The following ASIC2 variants were observed in gnomAD, a reference collection of about 807,000 sequenced individuals.
ASIC2 encodes the protein acid sensing ion channel subunit 2, also known as acid-sensing ion channel 2.
In ASIC2, 25 loss-of-function variants were observed where a neutral mutation model predicts 57.3. That is an observed-to-expected ratio of 0.44 (90% CI 0.32 to 0.61). The LOEUF (loss-of-function observed/expected upper bound fraction) is 0.61, where lower values mean the gene tolerates loss of function less well. Ranked by LOEUF, ASIC2 falls within the 20% of genes least tolerant of loss-of-function variation. ASIC2 has a pLI of 0.06. For synonymous variants in ASIC2, 319 were observed against 307.5 expected (o/e 1.04, Z -0.39); for missense variants, 641 against 738.1 (o/e 0.87, Z 1.52).
At chr17:34,134,344 G>A (rs878984395) in intron 1 of ASIC2, among the ~76,000 whole-genome samples, 1 of 152,178 alleles carries the variant, frequency 6.6e-6, no homozygotes, top group Non-Finnish European at 1.5e-5. Flanking sequence ...ATGCCCCAAA[G>A]TCCCCAGAAA....
At chr17:33,535,023 T>C (rs545070269) in intron 1 of ASIC2, among the ~76,000 whole-genome samples, 12 of 152,214 alleles carry the variant, frequency 7.9e-5, no homozygotes, top group Non-Finnish European at 1.6e-4. Flanking sequence ...GTATTAGGAT[T>C]GTTCCCATTT....
intron 1 of ASIC2, among the ~76,000 whole-genome samples, chr17:33,962,798 G>GA (rs899916865): frequency 6.6e-5 from 10 of 152,030 alleles, no homozygotes; most frequent in African/African-American, 2.4e-4. Context: ...GGCCAAAGAG[G>GA]AAAAAACCAT....
chr17:33,711,135 G>T (rs886619890), intron 1 of ASIC2, among the ~76,000 whole-genome samples: 2 of 152,120 alleles, frequency 1.3e-5, no homozygotes, highest in Non-Finnish European at 2.9e-5. Flanking sequence ...AACCCTTAGA[G>T]TGGCGTTGTG....
chr17:33,551,167 C>T (rs375900393), intron 1 of ASIC2, among the ~76,000 whole-genome samples: 24 of 152,094 alleles, frequency 1.6e-4, no homozygotes, highest in African/African-American at 5.6e-4. Flanking sequence ...AACATTTGGT[C>T]GGATGTCTTT....
At chr17:33,867,486 A>ATT (rs1914273117) in intron 1 of ASIC2, among the ~76,000 whole-genome samples, 1 of 152,228 alleles carries the variant, frequency 6.6e-6, no homozygotes, top group African/African-American at 2.4e-5. Flanking sequence ...AAGATTAACA[A>ATT]TCATCTCCAT....
intron 1 of ASIC2, among the ~76,000 whole-genome samples, chr17:33,522,109 C>T (rs1914760085): frequency 6.6e-6 from 1 of 152,156 alleles, no homozygotes; most frequent in Non-Finnish European, 1.5e-5. Flanking sequence ...AATTCTGACC[C>T]ATGGCACTTC....
At chr17:34,077,413 T>C (rs1482851637) in intron 1 of ASIC2, among the ~76,000 whole-genome samples, 2 of 151,942 alleles carry the variant, frequency 1.3e-5, no homozygotes, top group Non-Finnish European at 1.5e-5. Flanking sequence ...CGTCATACCC[T>C]CTCCCTTTGG....
chr17:33,715,220 T>TC (rs1180669364), intron 1 of ASIC2, among the ~76,000 whole-genome samples: 1 of 152,152 alleles, frequency 6.6e-6, no homozygotes, highest in Non-Finnish European at 1.5e-5. Context: ...CAGGCTGGTC[T>TC]CCAACTTCTG....
intron 1 of ASIC2, among the ~76,000 whole-genome samples, chr17:33,142,183 T>G (rs902420762): frequency 6.6e-6 from 1 of 152,128 alleles, no homozygotes; most frequent in Non-Finnish European, 1.5e-5. Flanking sequence ...AATAAACGAA[T>G]GGCAAGGTTT....
chr17:33,033,029 G>A (rs916810), intron 3 of ASIC2, among the ~76,000 whole-genome samples: 21,297 of 152,066 alleles, frequency 0.14, 1,599 homozygotes, highest in South Asian at 0.18. Context: ...CAACACTTTG[G>A]GAGGCAAGGC....
chr17:33,301,075 C>T (rs181308034), intron 1 of ASIC2, among the ~76,000 whole-genome samples: 38 of 152,038 alleles, frequency 2.5e-4, no homozygotes, highest in Admixed American at 3.3e-4. Context: ...GTTGCCCAGG[C>T]GGGAGTGCAG....
intron 1 of ASIC2, among the ~76,000 whole-genome samples, chr17:33,966,492 G>A (rs974409358): frequency 1.3e-5 from 2 of 152,056 alleles, no homozygotes; most frequent in African/African-American, 2.4e-5. Context: ...TATCCGAACC[G>A]CCATAAAAAC....
At chr17:33,183,813 T>C (rs921131163) in intron 1 of ASIC2, among the ~76,000 whole-genome samples, 1 of 152,194 alleles carries the variant, frequency 6.6e-6, no homozygotes, top group Admixed American at 6.5e-5. Context: ...ATATGCTCAA[T>C]CATACTTTGC....
chr17:33,610,226 C>T (rs55644062), intron 1 of ASIC2, among the ~76,000 whole-genome samples: 31,715 of 152,204 alleles, frequency 0.21, 3,621 homozygotes, highest in Non-Finnish European at 0.26. Flanking sequence ...GGCACGATCT[C>T]GGCTTACTGT....
At chr17:33,740,077 G>A (rs1444116142) in intron 1 of ASIC2, among the ~76,000 whole-genome samples, 1 of 152,136 alleles carries the variant, frequency 6.6e-6, no homozygotes, top group African/African-American at 2.4e-5. Context: ...GGAGCCCAGA[G>A]GCAGAAAGGA....
At chr17:33,718,339 C>T (rs781697036) in intron 1 of ASIC2, among the ~76,000 whole-genome samples, 7 of 152,232 alleles carry the variant, frequency 4.6e-5, no homozygotes, top group South Asian at 4.2e-4. Context: ...GATACAGAGG[C>T]TGACTGGATT....
chr17:34,108,378 A>T (rs1911142775), intron 1 of ASIC2, among the ~76,000 whole-genome samples: 1 of 151,704 alleles, frequency 6.6e-6, no homozygotes, highest in African/African-American at 2.4e-5. Context: ...ATATTTTATA[A>T]TTTTTCCTTG....
intron 1 of ASIC2, among the ~76,000 whole-genome samples, chr17:33,755,221 G>A (rs1910559308): frequency 6.6e-6 from 1 of 152,142 alleles, no homozygotes; most frequent in Admixed American, 6.5e-5. Flanking sequence ...AAGGAATGCT[G>A]GCAGCCACCA....
intron 1 of ASIC2, among the ~76,000 whole-genome samples, chr17:33,944,999 A>G (rs1904329637): frequency 6.6e-6 from 1 of 152,172 alleles, no homozygotes; most frequent in Admixed American, 6.5e-5. Flanking sequence ...TCCACTGGAA[A>G]CTGTGTATCA....
Sources: allele counts gnomAD v4.1 joint callset (sites outside exome capture counted in the v4.1 genomes callset), GRCh38; gene constraint gnomAD v4.1.1; transcripts MANE v1.5; gene names NCBI Gene and HGNC (gene_info 2026-07-23, HGNC 2026-07-21).